The following CPA6 variants were observed in gnomAD, a reference collection of about 807,000 sequenced individuals.
The protein encoded by CPA6 is carboxypeptidase B.
CPA6 carries 58 observed loss-of-function variants against 63.3 expected under a neutral mutation model. That is an observed-to-expected ratio of 0.92 (90% confidence interval 0.74 to 1.14). The LOEUF (loss-of-function observed/expected upper bound fraction) is 1.14. Among genes scored for constraint, CPA6 ranks in the 50% most tolerant of loss-of-function variants. The pLI is 0.00. For missense variants in CPA6, 565 were observed against 526.6 expected (o/e 1.07, Z -0.71); for synonymous variants, 185 against 179.0 (o/e 1.03, Z -0.27).
At chr8:67,655,183 CAATTCTTAT>C (rs1815955792) in intron 1 of CPA6, among the ~76,000 whole-genome samples, 1 of 152,108 alleles carries the variant, frequency 6.6e-6, no homozygotes, top group East Asian at 1.9e-4. Flanking sequence ...ATCCTTGATA[CAATTCTTAT>C]TGATACACTT....
intron 1 of CPA6, among the ~76,000 whole-genome samples, chr8:67,645,615 G>A (rs1011887096): frequency 3.3e-5 from 5 of 152,178 alleles, no homozygotes; most frequent in African/African-American, 4.8e-5. Flanking sequence ...CCAATTAAAC[G>A]ATATAACACA....
At chr8:67,498,847 T>A (rs1438098415) in intron 6 of CPA6, among the ~76,000 whole-genome samples, 1 of 152,148 alleles carries the variant, frequency 6.6e-6, no homozygotes, top group Non-Finnish European at 1.5e-5. Flanking sequence ...GCTATGTGAA[T>A]ATTAGGAAAG....
chr8:67,639,878 A>G (rs1815550774), intron 1 of CPA6, among the ~76,000 whole-genome samples: 1 of 151,474 alleles, frequency 6.6e-6, no homozygotes, highest in South Asian at 2.1e-4. Flanking sequence ...GAGGAGACCT[A>G]TAGTGGGTAG....
At chr8:67,655,734 C>T (rs1447735607) in intron 1 of CPA6, among the ~76,000 whole-genome samples, 1 of 151,992 alleles carries the variant, frequency 6.6e-6, no homozygotes, top group African/African-American at 2.4e-5. Flanking sequence ...CTGTGTGACT[C>T]TAAGGGCATC....
intron 2 of CPA6, among the ~76,000 whole-genome samples, chr8:67,605,080 G>GTTTTTTTTT (rs34741776): frequency 3.4e-5 from 5 of 145,046 alleles, no homozygotes; most frequent in East Asian, 2.0e-4. Context: ...GCCCAGCCAC[G>GTTTTTTTTT]TTTTTTTTTT....
intron 2 of CPA6, among the ~76,000 whole-genome samples, chr8:67,531,107 T>G (rs1812468724): frequency 6.6e-6 from 1 of 152,088 alleles, no homozygotes; most frequent in African/African-American, 2.4e-5. Flanking sequence ...AAAAAGGAAA[T>G]GAGGAAATCT....
In CPA6 at chr8:67,583,846, G is replaced by T. The variant is rs1001507671; in HGVS notation, c.192+40330C>A. Reference sequence around the variant, plus strand: ...GGGTACTATAGACAGCTGTCAAGGAGGTGGCAATAGGGTAATAAAAAGGGC... The same window carrying T: ...GGGTACTATAGACAGCTGTCAAGGATGTGGCAATAGGGTAATAAAAAGGGC... On this transcript the variant is annotated intron_variant, in intron 2 of 10. Transcript: ENST00000297770. 3.3e-5 allele frequency among the ~76,000 whole-genome samples: 5 copies of T among 152,096 alleles called. No individual in the cohort carries two copies. In the South Asian group the frequency reaches 1.0e-3, roughly 32 times the overall value.
At chr8:67,549,950 G>A (rs1335579596) in intron 2 of CPA6, among the ~76,000 whole-genome samples, 1 of 152,222 alleles carries the variant, frequency 6.6e-6, no homozygotes, top group Admixed American at 6.5e-5. Flanking sequence ...ATGAATACAG[G>A]AGTGCAAGTA....
intron 1 of CPA6, among the ~76,000 whole-genome samples, chr8:67,712,726 T>C (rs981637505): frequency 1.3e-5 from 2 of 152,120 alleles, no homozygotes; most frequent in African/African-American, 4.8e-5. Flanking sequence ...TAGCCATGAA[T>C]GGAAAACTCC....
chr8:67,642,732 A>C (rs1261955146), intron 1 of CPA6, among the ~76,000 whole-genome samples: 1 of 152,044 alleles, frequency 6.6e-6, no homozygotes, highest in Non-Finnish European at 1.5e-5. Context: ...GAACTCTTTC[A>C]TAAATAGAAC....
intron 1 of CPA6, among the ~76,000 whole-genome samples, chr8:67,683,308 C>A (rs948740948): frequency 6.6e-6 from 1 of 152,190 alleles, no homozygotes; most frequent in African/African-American, 2.4e-5. Flanking sequence ...CCTTTTATGT[C>A]AATCTTTGCA....
At chr8:67,741,022 C>T (rs751843141) in intron 1 of CPA6, among the ~76,000 whole-genome samples, 2 of 152,126 alleles carry the variant, frequency 1.3e-5, no homozygotes, top group African/African-American at 2.4e-5. Context: ...ATACCAGCTG[C>T]GTGCATAGTG....
At chr8:67,708,505 G>A (rs1470219502) in intron 1 of CPA6, among the ~76,000 whole-genome samples, 4 of 152,134 alleles carry the variant, frequency 2.6e-5, no homozygotes, top group Non-Finnish European at 5.9e-5. Flanking sequence ...AAACAAGAGG[G>A]ATGGGCCATC....
rs901810978 is a variant in CPA6, at chr8:67,741,144, C to T, written c.116+4870G>A. 1.1e-4 allele frequency among the ~76,000 whole-genome samples: 16 copies of T among 152,104 alleles called. 1 individual carries two copies. Among genetic ancestry groups the T allele is most frequent in the African/African-American group, 2.9e-4 (12 of 41,428 alleles). ...GAAGGGGGAAGAAACTGTCCCAAGA[C>T]GTGAGAGGCATCTTCAATAAATGCA... On this transcript the variant is annotated intron_variant, in intron 1 of 10. Coordinates refer to ENST00000297770, the MANE Select transcript of CPA6 (RefSeq NM_020361.5).
intron 2 of CPA6, among the ~76,000 whole-genome samples, chr8:67,522,057 T>C (rs1355594316): frequency 6.6e-6 from 1 of 152,150 alleles, no homozygotes; most frequent in Non-Finnish European, 1.5e-5. Context: ...AAACCCGATC[T>C]TCATGCCAAA....
chr8:67,465,432 C>T (rs370317767), intron 8 of CPA6, among the ~76,000 whole-genome samples: 19 of 152,238 alleles, frequency 1.2e-4, no homozygotes, highest in African/African-American at 4.3e-4. Flanking sequence ...TATAGAATCA[C>T]ATTATTTGTA....
chr8:67,715,359 CTCACGAAG>C (rs1407158893), intron 1 of CPA6, among the ~76,000 whole-genome samples: 1 of 152,234 alleles, frequency 6.6e-6, no homozygotes, highest in Non-Finnish European at 1.5e-5. Context: ...GCTCATGCCA[CTCACGAAG>C]TCACTTTACT....
chr8:67,577,292 G>A (rs1813652523), intron 2 of CPA6, among the ~76,000 whole-genome samples: 1 of 152,154 alleles, frequency 6.6e-6, no homozygotes, highest in Admixed American at 6.5e-5. Context: ...AGTGGAATGA[G>A]ACATCAGTCT....
chr8:67,448,725 G>C (rs1393438890), intron 8 of CPA6, among the ~76,000 whole-genome samples: 1 of 146,722 alleles, frequency 6.8e-6, no homozygotes. Context: ...AAAAAAGAAA[G>C]TTTTCCCTAT....
Sources: allele counts gnomAD v4.1 joint callset (sites outside exome capture counted in the v4.1 genomes callset), GRCh38; gene constraint gnomAD v4.1.1; transcripts MANE v1.5; gene names NCBI Gene and HGNC (gene_info 2026-07-23, HGNC 2026-07-21).